ANO6: variants seen among roughly 807,000 people sequenced by gnomAD.
The protein encoded by ANO6 is anoctamin-6.
Under a neutral mutation model 117.5 loss-of-function variants are expected in ANO6, and 106 were observed. The observed-to-expected ratio is 0.90, with a 90% CI of 0.77 to 1.06. ANO6 has a LOEUF of 1.06. Ranked by LOEUF, ANO6 falls within the 50% of genes least tolerant of loss-of-function variation. ANO6 has a pLI of 0.00. For synonymous variants in ANO6, 367 were observed against 385.1 expected, an observed-to-expected ratio of 0.95 and a Z score of 0.55; for missense variants, 955 against 1,121.1, an observed-to-expected ratio of 0.85 and a Z score of 2.12.
chr12:45,335,558 G>A (rs1015509433), intron 3 of ANO6: 1 of 151,976 alleles, frequency 6.6e-6, no homozygotes, highest in Non-Finnish European at 1.5e-5. Flanking sequence ...AATTTTTTGA[G>A]TGCTGACTTG....
At chr12:45,263,006 G>T (rs2137215415) in intron 1 of ANO6, among the ~76,000 whole-genome samples, 1 of 152,150 alleles carries the variant, frequency 6.6e-6, no homozygotes, top group East Asian at 1.9e-4. Context: ...GATCATGTAG[G>T]AGGGGAACTT....
intron 2 of ANO6, among the ~76,000 whole-genome samples, chr12:45,318,432 G>T (rs536811550): frequency 2.0e-5 from 3 of 152,120 alleles, no homozygotes; most frequent in Non-Finnish European, 2.9e-5. Flanking sequence ...TCAAATAGTT[G>T]TAGATGTGTG....
At chr12:45,343,872 C>T (rs979214988) in intron 3 of ANO6, among the ~76,000 whole-genome samples, 39 of 150,418 alleles carry the variant, frequency 2.6e-4, no homozygotes, top group Middle Eastern at 3.4e-3. Context: ...CTGGCATTTG[C>T]TCTCTCAGCC....
At chr12:45,376,465 A>G in intron 9 of ANO6, among the ~76,000 whole-genome samples, 1 of 128,860 alleles carries the variant, frequency 7.8e-6, no homozygotes, top group Non-Finnish European at 1.6e-5. Flanking sequence ...ATGTCCAACA[A>G]TGATAGACTG....
intron 9 of ANO6, among the ~76,000 whole-genome samples, chr12:45,372,031 T>C (rs1379209049): frequency 6.6e-6 from 1 of 152,040 alleles, no homozygotes; most frequent in Non-Finnish European, 1.5e-5. Flanking sequence ...CTGATGGAGC[T>C]GAAAGCCAAG....
chr12:45,409,821 T>C (rs1943040227), intron 16 of ANO6, among the ~76,000 whole-genome samples: 1 of 152,200 alleles, frequency 6.6e-6, no homozygotes, highest in Non-Finnish European at 1.5e-5. Flanking sequence ...GGTGGTACAA[T>C]CGTGGCTCAC....
chr12:45,356,324 A>G (rs1941409668), intron 7 of ANO6, among the ~76,000 whole-genome samples: 2 of 152,066 alleles, frequency 1.3e-5, no homozygotes, highest in African/African-American at 4.8e-5. Flanking sequence ...TCCACTACAA[A>G]TTAGTGGTTT....
chr12:45,429,634 T>G lies in ANO6; in HGVS notation c.*323T>G. ...GTAGAATGGATTCTTTTTTTTCTGT[T>G]TGATTATTTTCATTTCTGTCTATTC... On this transcript the variant is annotated 3_prime_UTR_variant, in exon 20 of 20. Coordinates refer to ENST00000320560, the MANE Select transcript of ANO6 (RefSeq NM_001025356.3). 1.7e-6 allele frequency: 2 copies of G among 1,164,528 alleles called. No individual in the cohort carries two copies. The highest frequency in any genetic ancestry group is 1.6e-5 in the African/African-American group (1 of 62,382). The allele number at this position is 1,164,528 out of a possible 1,614,324, so 72.1% of individuals were successfully genotyped here.
chr12:45,304,978 C>T (rs1308336790), intron 2 of ANO6, among the ~76,000 whole-genome samples: 1 of 152,232 alleles, frequency 6.6e-6, no homozygotes, highest in Non-Finnish European at 1.5e-5. Flanking sequence ...TCTTCTCTCA[C>T]TTGCTGCGGA....
At chr12:45,319,971 T>TA (rs1940198796) in intron 2 of ANO6, among the ~76,000 whole-genome samples, 1 of 152,212 alleles carries the variant, frequency 6.6e-6, no homozygotes, top group African/African-American at 2.4e-5. Flanking sequence ...ATATCCCCTT[T>TA]ATCATTTTTT....
intron 10 of ANO6, among the ~76,000 whole-genome samples, chr12:45,381,987 A>T (rs1942180671): frequency 6.6e-6 from 1 of 152,092 alleles, no homozygotes; most frequent in Non-Finnish European, 1.5e-5. Context: ...AAGATGAAGA[A>T]GATGACACTC....
At chr12:45,377,628 G>A (rs1942063633) in intron 9 of ANO6, among the ~76,000 whole-genome samples, 1 of 152,196 alleles carries the variant, frequency 6.6e-6, no homozygotes, top group South Asian at 2.1e-4. Context: ...TCTGACCAGG[G>A]TGGGATGATG....
intron 10 of ANO6, among the ~76,000 whole-genome samples, chr12:45,378,944 T>C (rs899948507): frequency 2.0e-5 from 3 of 152,190 alleles, no homozygotes; most frequent in African/African-American, 7.2e-5. Flanking sequence ...TATGGGAACT[T>C]TACCACTATA....
chr12:45,398,454 G>T (rs929387303), intron 12 of ANO6, among the ~76,000 whole-genome samples: 3 of 152,116 alleles, frequency 2.0e-5, no homozygotes, highest in African/African-American at 7.2e-5. Flanking sequence ...TTCGTAGAAG[G>T]CAGCTTAGCA....
chr12:45,224,917 A>G (rs961531773), intron 1 of ANO6, among the ~76,000 whole-genome samples: 2 of 152,224 alleles, frequency 1.3e-5, no homozygotes, highest in Non-Finnish European at 2.9e-5. Context: ...AGGGCCGGAC[A>G]TGATGGGTCA....
chr12:45,435,960 C>T (rs1396721688), downstream of ANO6, among the ~76,000 whole-genome samples: 2 of 152,168 alleles, frequency 1.3e-5, no homozygotes, highest in Admixed American at 1.3e-4. Context: ...CCTGCAGCAA[C>T]CTGCCCAGGA....
In ANO6 at chr12:45,314,659, T is replaced by A. The variant is rs185683931; in HGVS notation, c.150+12566T>A. Among the ~76,000 whole-genome samples, 52 of 152,078 alleles carry A rather than the reference T, an allele frequency of 3.4e-4. No homozygotes were observed. In the East Asian group the frequency reaches 7.2e-3, roughly 21 times the overall value. ...GACTACATTTTGGGAGGTACTGAAA[T>A]CTGTGCCAGAATCTATATATTGATA... On this transcript the variant is annotated intron_variant, in intron 2 of 19. Transcript: ENST00000320560.
At chr12:45,391,741 C>T (rs1349295179) in intron 12 of ANO6, among the ~76,000 whole-genome samples, 9 of 152,130 alleles carry the variant, frequency 5.9e-5, no homozygotes, top group Non-Finnish European at 1.3e-4. Flanking sequence ...CACCTGTGAT[C>T]TCAGCTGCTT....
intron 12 of ANO6, 98 bp from the exon 13 acceptor site, chr12:45,401,697 A>T: frequency 1.0e-6 from 1 of 995,400 alleles, no homozygotes; most frequent in Non-Finnish European, 1.6e-6. Flanking sequence ...GATTTACATC[A>T]CTTTACACAC....
Sources: allele counts gnomAD v4.1 joint callset (sites outside exome capture counted in the v4.1 genomes callset), GRCh38; gene constraint gnomAD v4.1.1; transcripts MANE v1.5; gene names NCBI Gene and HGNC (gene_info 2026-07-23, HGNC 2026-07-21).